Variants in FNTB observed in about 807,000 individuals in gnomAD.
The protein encoded by FNTB is farnesyltransferase, CAAX box, subunit beta.
A neutral mutation model predicts 59.4 loss-of-function variants in FNTB; 27 were observed. The observed-to-expected ratio is 0.45, with a 90% confidence interval of 0.34 to 0.63. FNTB has a LOEUF of 0.63. FNTB is among the 20% of genes least tolerant of loss of function. The pLI is 0.02. For missense variants in FNTB, 449 were observed against 559.6 expected, an observed-to-expected ratio of 0.80 and a Z score of 1.99; for synonymous variants, 230 against 220.7, an observed-to-expected ratio of 1.04 and a Z score of -0.37.
At chr14:65,039,950 A>T (rs2139621540) in intron 7 of FNTB, among the ~76,000 whole-genome samples, 1 of 152,296 alleles carries the variant, frequency 6.6e-6, no homozygotes, top group South Asian at 2.1e-4. Context: ...ACGCTTTGGG[A>T]TGCTGGGGTG....
At chr14:65,013,943 C>T (rs899395407) in intron 3 of FNTB, among the ~76,000 whole-genome samples, 3 of 152,186 alleles carry the variant, frequency 2.0e-5, no homozygotes, top group African/African-American at 7.2e-5. Context: ...AAGTCATTTG[C>T]TCAAAGGCAC....
chr14:65,017,912 G>A (rs1004675350), intron 4 of FNTB, among the ~76,000 whole-genome samples: 9 of 152,062 alleles, frequency 5.9e-5, no homozygotes, highest in Admixed American at 1.3e-4. Flanking sequence ...TCGAGATTGC[G>A]CCTTTGCACT....
chr14:65,052,384 T>A (rs76516807), intron 9 of FNTB, among the ~76,000 whole-genome samples: 2,042 of 152,284 alleles, frequency 0.013, 39 homozygotes, highest in South Asian at 0.068. Flanking sequence ...ATCTTTTTTT[T>A]AAAAATGATT....
Position 65,011,498 on chromosome 14 carries a change from G to A in FNTB, c.210-819G>A, listed in dbSNP as rs2061683379. Among the ~76,000 whole-genome samples, 1 of 149,632 alleles carries A rather than the reference G, an allele frequency of 6.7e-6. No individual in the cohort carries two copies. Among genetic ancestry groups the A allele is most frequent in the African/African-American group, 2.5e-5 (1 of 40,724 alleles). ...TCTGAGCCAAGTACAGTGGGAATTT[G>A]ATAAACAATTGTGGAATTGACTACC... On this transcript the variant is annotated intron_variant, in intron 2 of 11. Transcript: ENST00000246166. This position sits in a 1 kb window ranked among gnomAD's most constrained non-coding sequence, Gnocchi z 4.0.
intron 1 of FNTB, 78 bp from the exon 2 acceptor site, chr14:65,004,171 G>A: frequency 1.3e-6 from 2 of 1,513,262 alleles, no homozygotes; most frequent in Non-Finnish European, 1.8e-6. Flanking sequence ...ATAGGCATTT[G>A]TGGCAATAGG....
chr14:65,024,633 G>T (rs2061947580), intron 4 of FNTB, among the ~76,000 whole-genome samples: 1 of 152,174 alleles, frequency 6.6e-6, no homozygotes, highest in Non-Finnish European at 1.5e-5. Flanking sequence ...GCAGCTTTCA[G>T]TCATATTCTA....
rs201052112 is a variant in FNTB, at chr14:65,006,289, G to T, written c.209+1976G>T. 5.8e-4 allele frequency: 937 copies of T among 1,612,710 alleles called. 2 individuals are homozygous for T. The highest frequency in any genetic ancestry group is 7.1e-4 in the Non-Finnish European group (834 of 1,179,708). On this transcript the variant is annotated intron_variant, in intron 2 of 11. Transcript: ENST00000246166. ...GGTTAACTTCATCTTTGTTCCCTGG[G>T]GAAGGAAAGGAGGAAAAATATCAGC...
rs1395091712 is a variant in FNTB, at chr14:64,994,201, CT to C, written c.144+7108del. On this transcript the variant is annotated intron_variant, in intron 1 of 11. Transcript: ENST00000246166. The surrounding 1 kb of genome is among the most constrained non-coding windows in gnomAD (Gnocchi z 4.2). ...TTAAATGAAAAACTCCATGAAATAC[CT>C]TTTAAACAGAGCTGTCCAGAATGCA... Among the ~76,000 whole-genome samples the C allele has an allele frequency of 1.3e-5, 2 of 152,120 alleles. No homozygotes were observed. Among genetic ancestry groups the C allele is most frequent in the Non-Finnish European group, 2.9e-5 (2 of 68,018 alleles).
chr14:65,028,540 A>G lies in FNTB; in HGVS notation c.605+759A>G, dbSNP rs1175147795. Among the ~76,000 whole-genome samples the G allele has an allele frequency of 2.0e-5, 3 of 152,248 alleles. No homozygotes were observed. The highest frequency in any genetic ancestry group is 2.0e-4 in the Admixed American group (3 of 15,294). On this transcript the variant is annotated intron_variant, in intron 6 of 11. Transcript: ENST00000246166. The surrounding 1 kb of genome is among the most constrained non-coding windows in gnomAD (Gnocchi z 4.4). ...GTGTAAATGGGTTTGCTTCTACACA[A>G]GTTGATTAATAGTCTGGCTTAAGCA...
At chr14:65,059,474 G>C (rs1490915936) in intron 11 of FNTB, among the ~76,000 whole-genome samples, 3 of 152,208 alleles carry the variant, frequency 2.0e-5, no homozygotes, top group Non-Finnish European at 4.4e-5. Context: ...AGCAATTGTT[G>C]TTACTAATTT....
chr14:65,015,108 C>CT (rs113319981), intron 3 of FNTB, among the ~76,000 whole-genome samples: 155 of 144,238 alleles, frequency 1.1e-3, no homozygotes, highest in South Asian at 2.4e-3. Flanking sequence ...TCTTTTCTTT[C>CT]TTTTTTTTTT....
chr14:65,006,690 C>T (rs2061599117), intron 2 of FNTB, among the ~76,000 whole-genome samples: 1 of 152,228 alleles, frequency 6.6e-6, no homozygotes, highest in African/African-American at 2.4e-5. Flanking sequence ...CTGTTTCTCA[C>T]ATGAACCTTT....
intron 1 of FNTB, chr14:64,987,376 A>G: frequency 2.0e-6 from 1 of 512,212 alleles, no homozygotes; most frequent in South Asian, 2.1e-5. Flanking sequence ...ATCGTGTTCT[A>G]TGCCTGGAGG....
At chr14:65,025,325 T>C (rs1319349956) in intron 4 of FNTB, among the ~76,000 whole-genome samples, 1 of 152,232 alleles carries the variant, frequency 6.6e-6, no homozygotes, top group Admixed American at 6.5e-5. Flanking sequence ...TTCTTTCTTT[T>C]AAAAAATGTG....
At chr14:65,006,947 A>G (rs1007351455) in intron 2 of FNTB, among the ~76,000 whole-genome samples, 1 of 152,154 alleles carries the variant, frequency 6.6e-6, no homozygotes, top group South Asian at 2.1e-4. Context: ...TGGGTGGGAA[A>G]AAAAAAGTGT....
chr14:65,054,443 A>C lies in FNTB; in HGVS notation c.1068-132A>C. 1.1e-6 allele frequency: 1 copy of C among 881,800 alleles called. No individual in the cohort carries two copies. Among genetic ancestry groups the C allele is most frequent in the South Asian group, 1.6e-5 (1 of 60,658 alleles). The allele number at this position is 881,800 out of a possible 1,614,324, so 54.6% of individuals were successfully genotyped here. ...TTTAAATAACACTGCTGGGAAAACC[A>C]TGCCTCCTCTAGCCACATGGAGGAT... On this transcript the variant is annotated intron_variant, in intron 10 of 11. Coordinates refer to ENST00000246166, the MANE Select transcript of FNTB (RefSeq NM_002028.4). The surrounding 1 kb of genome is among the most constrained non-coding windows in gnomAD (Gnocchi z 4.4).
chr14:65,051,954 C>A (rs1008334638), intron 9 of FNTB, among the ~76,000 whole-genome samples: 1 of 151,862 alleles, frequency 6.6e-6, no homozygotes, highest in Non-Finnish European at 1.5e-5. Context: ...ACCACCATGT[C>A]CGGCTAATTT....
At position 65,061,560 on chromosome 14, in the gene FNTB, C is replaced by A; in HGVS notation, c.*248C>A. 1 of 449,590 alleles carries A rather than the reference C, an allele frequency of 2.2e-6. No homozygotes were observed. The highest frequency in any genetic ancestry group is 2.9e-5 in the South Asian group (1 of 34,876). 27.9% of individuals were successfully genotyped at this position (449,590 alleles called of 1,614,324 possible). ...CAGCCCACGTGGTGTGGTTGGTGAA[C>A]AGTGCATGCCAGGAGGAAGCAGTCC... On this transcript the variant is annotated 3_prime_UTR_variant, in exon 12 of 12. Transcript: ENST00000246166.
rs1169373579 is a variant in FNTB at position 65,007,230 on chromosome 14, A to G, written c.209+2917A>G. Among the ~76,000 whole-genome samples the G allele has an allele frequency of 6.6e-6, 1 of 152,274 alleles. No individual in the cohort carries two copies. The highest frequency in any genetic ancestry group is 1.5e-5 in the Non-Finnish European group (1 of 68,054). On this transcript the variant is annotated intron_variant, in intron 2 of 11. Coordinates refer to ENST00000246166, the MANE Select transcript of FNTB (RefSeq NM_002028.4). The surrounding 1 kb of genome is among the most constrained non-coding windows in gnomAD (Gnocchi z 4.9). Reference sequence around the variant, plus strand: ...AAATTTATCAGAATTTTAAATCATTATCACAGTCTCAATATTTAACATATT... The same window carrying G: ...AAATTTATCAGAATTTTAAATCATTGTCACAGTCTCAATATTTAACATATT...
Sources: gnomAD v4.1 joint callset for allele counts (sites outside exome capture counted in the v4.1 genomes callset) on GRCh38, gnomAD v4.1.1 for gene constraint, Gnocchi (gnomAD v3.1) non-coding constraint, MANE v1.5 for transcripts, NCBI Gene and HGNC (gene_info 2026-07-23, HGNC 2026-07-21) for gene names.